MAPK10: variants seen among roughly 807,000 people sequenced by gnomAD.
MAPK10 encodes mitogen-activated protein kinase 10, also known as JNK3 alpha protein kinase.
In MAPK10, 25 loss-of-function variants were observed where a neutral mutation model predicts 59.3. The observed-to-expected ratio is 0.42, with a 90% CI of 0.31 to 0.59. The LOEUF (loss-of-function observed/expected upper bound fraction) is 0.59. MAPK10 is among the 20% of genes least tolerant of loss of function. MAPK10 has a pLI of 0.15. For missense variants in MAPK10, 351 were observed against 568.9 expected (o/e 0.62, Z 3.90); for synonymous variants, 190 against 200.5 (o/e 0.95, Z 0.44).
chr4:86,052,400 TG>T (rs2043737353), intron 11 of MAPK10, among the ~76,000 whole-genome samples: 1 of 152,162 alleles, frequency 6.6e-6, no homozygotes, highest in Non-Finnish European at 1.5e-5. Context: ...GAATTAAATT[TG>T]GAGTAAAGGA....
At chr4:86,567,455 G>T (rs112903886) in intron 1 of MAPK10, among the ~76,000 whole-genome samples, 2 of 152,236 alleles carry the variant, frequency 1.3e-5, no homozygotes, top group African/African-American at 4.8e-5. Flanking sequence ...CCTAACCTCA[G>T]GTGATCCACC....
chr4:86,125,475 C>T (rs1023098123), intron 4 of MAPK10: 4 of 151,616 alleles, frequency 2.6e-5, no homozygotes, highest in Non-Finnish European at 4.4e-5. Context: ...TTAGCATGTA[C>T]TTTCATTGAC....
At chr4:86,293,590 G>C (rs2095283398) in intron 2 of MAPK10, among the ~76,000 whole-genome samples, 1 of 152,118 alleles carries the variant, frequency 6.6e-6, no homozygotes, top group South Asian at 2.1e-4. Context: ...CCTAAGACTG[G>C]GTAATTTATA....
At chr4:86,524,867 A>AT (rs1428275106) in intron 1 of MAPK10, among the ~76,000 whole-genome samples, 6 of 152,094 alleles carry the variant, frequency 3.9e-5, no homozygotes, top group Non-Finnish European at 2.9e-5. Context: ...AAAGCCCGCA[A>AT]TGACTTTTGC....
chr4:86,178,537 G>A (rs2076192181), intron 3 of MAPK10, among the ~76,000 whole-genome samples: 1 of 152,026 alleles, frequency 6.6e-6, no homozygotes, highest in Non-Finnish European at 1.5e-5. Flanking sequence ...TCAGTAAGAT[G>A]TCTTGCAACA....
Position 86,118,573 on chromosome 4 carries a change from TACACATACACACAC to T in MAPK10, c.237-11235_237-11222del, listed in dbSNP as rs1444870727. The stretch of plus-strand genomic sequence containing the variant: ...ACCTCCTTGTATGTATTTATATAAA[TACACATACACACAC>T]ACACACACACACACACACACACACA... On this transcript the variant is annotated intron_variant, in intron 4 of 13. Transcript: ENST00000641462. 2.6e-3 allele frequency among the ~76,000 whole-genome samples: 226 copies of T among 86,830 alleles called. 2 individuals are homozygous for T. The highest frequency in any genetic ancestry group is 8.1e-3 in the African/African-American group (199 of 24,544). 57.0% of individuals were successfully genotyped at this position (86,830 alleles called of 152,430 possible).
intron 2 of MAPK10, among the ~76,000 whole-genome samples, chr4:86,198,195 G>A (rs1443482688): frequency 1.3e-5 from 2 of 152,122 alleles, no homozygotes; most frequent in Non-Finnish European, 2.9e-5. Context: ...TTGAAAGATA[G>A]AGGTAGTGTC....
At chr4:86,086,817 TAA>T (rs1323430279) in intron 9 of MAPK10, among the ~76,000 whole-genome samples, 2 of 152,176 alleles carry the variant, frequency 1.3e-5, no homozygotes, top group South Asian at 2.1e-4. Flanking sequence ...TCTTATACAT[TAA>T]GAGGTTAATT....
chr4:86,048,416 T>C (rs2042915924), intron 11 of MAPK10, among the ~76,000 whole-genome samples: 1 of 152,120 alleles, frequency 6.6e-6, no homozygotes, highest in African/African-American at 2.4e-5. Context: ...AAGATCACAT[T>C]AGCCCCAAGG....
intron 2 of MAPK10, among the ~76,000 whole-genome samples, chr4:86,242,494 T>G (rs972936720): frequency 1.3e-5 from 2 of 152,180 alleles, no homozygotes; most frequent in Admixed American, 1.3e-4. Context: ...CCCCTCCCGC[T>G]AGGGGCTCAG....
intron 1 of MAPK10, among the ~76,000 whole-genome samples, chr4:86,538,187 C>A (rs866274995): frequency 5.9e-5 from 9 of 151,664 alleles, no homozygotes; most frequent in African/African-American, 1.7e-4. Flanking sequence ...ACTCTTGTTG[C>A]CCAGGCTGGA....
In MAPK10 at chr4:86,172,844, C is replaced by A. The variant is rs577328315; in HGVS notation, c.67-13377G>T. Among the ~76,000 whole-genome samples, 46 of 151,454 alleles carry A rather than the reference C, an allele frequency of 3.0e-4. No homozygotes were observed. In the South Asian group the frequency reaches 8.5e-3, roughly 28 times the overall value. ...ACAATAGGCAAGCAGAGGGCCAAAT[C>A]ATGAATGAACTTCCATTCACAATTG... On this transcript the variant is annotated intron_variant, in intron 3 of 13. Coordinates refer to ENST00000641462, the MANE Select transcript of MAPK10 (RefSeq NM_138982.4).
chr4:86,257,482 G>A (rs553257904), intron 2 of MAPK10, among the ~76,000 whole-genome samples: 1 of 151,946 alleles, frequency 6.6e-6, no homozygotes, highest in Non-Finnish European at 1.5e-5. Context: ...TCCATTTATC[G>A]CCTCCCTTTT....
chr4:86,195,678 C>T (rs1478961175), intron 2 of MAPK10, among the ~76,000 whole-genome samples: 2 of 152,128 alleles, frequency 1.3e-5, no homozygotes, highest in African/African-American at 4.8e-5. Flanking sequence ...CCCATCAACC[C>T]ATCATCTACA....
intron 1 of MAPK10, among the ~76,000 whole-genome samples, chr4:86,567,241 A>ATT: frequency 6.7e-6 from 1 of 148,898 alleles, no homozygotes; most frequent in Admixed American, 6.7e-5. Flanking sequence ...TTTTTTTGAG[A>ATT]TGGAGTTTTG....
At chr4:86,501,730 A>G (rs565588468) in intron 1 of MAPK10, among the ~76,000 whole-genome samples, 136 of 152,078 alleles carry the variant, frequency 8.9e-4, no homozygotes, top group African/African-American at 3.0e-3. Context: ...AACAGACTCC[A>G]TGTCAGTTTT....
chr4:86,020,969 C>T (rs193299780), intron 13 of MAPK10: 1 of 152,262 alleles, frequency 6.6e-6, no homozygotes, highest in Admixed American at 6.5e-5. Context: ...TCTGGCCCCA[C>T]CCACATCCTG....
intron 1 of MAPK10, among the ~76,000 whole-genome samples, chr4:86,566,898 G>A (rs1161555564): frequency 3.3e-5 from 5 of 151,824 alleles, no homozygotes; most frequent in Non-Finnish European, 7.4e-5. Flanking sequence ...GCGAAACCCC[G>A]TCTCTACTAG....
chr4:86,070,290 C>A (rs2047577905), intron 9 of MAPK10, among the ~76,000 whole-genome samples: 2 of 151,336 alleles, frequency 1.3e-5, no homozygotes, highest in South Asian at 4.2e-4. Flanking sequence ...TCTAGATGTT[C>A]ATAGAATACA....
Sources: allele counts gnomAD v4.1 joint callset (sites outside exome capture counted in the v4.1 genomes callset), GRCh38; gene constraint gnomAD v4.1.1; transcripts MANE v1.5; gene names NCBI Gene and HGNC (gene_info 2026-07-23, HGNC 2026-07-21).